Variants in AGAP1 observed in about 807,000 individuals in gnomAD.
AGAP1 encodes the protein ArfGAP with GTPase domain, ankyrin repeat and PH domain 1.
AGAP1 carries 29 observed loss-of-function variants against 105.3 expected under a neutral mutation model. The ratio of observed to expected loss-of-function variants is 0.28; its 90% confidence interval spans 0.21 to 0.38. The LOEUF is 0.38. Among genes scored for constraint, AGAP1 ranks in the 10% least tolerant of loss-of-function variants. The probability of loss-of-function intolerance (pLI) is 1.00; values close to 1 mark genes in which losing one functional copy is unlikely to be tolerated. For synonymous variants in AGAP1, 509 were observed against 485.9 expected (o/e 1.05, Z -0.63); for missense variants, 998 against 1,165.1 (o/e 0.86, Z 2.09).
rs181363656 is a variant in AGAP1, at chr2:236,046,446, G to A, written c.1892-2613G>A. Among the ~76,000 whole-genome samples the A allele has an allele frequency of 6.6e-5, 10 of 152,272 alleles. No homozygotes were observed. Among genetic ancestry groups the A allele is most frequent in the South Asian group, 2.1e-4 (1 of 4,814 alleles). ...GGGAGCATAAGTTCGAGAAGAAAGC[G>A]TTGGACTTATGAGAGGTTGAGAACC... On this transcript the variant is annotated intron_variant, in intron 15 of 17. Transcript: ENST00000304032. The surrounding 1 kb of genome is among the most constrained non-coding windows in gnomAD (Gnocchi z 5.2).
At position 236,035,925 on chromosome 2, in the gene AGAP1, G is replaced by A. The variant is rs543575150; in HGVS notation, c.1646-636G>A. Among the ~76,000 whole-genome samples the A allele has an allele frequency of 2.0e-5, 3 of 152,114 alleles. No individual in the cohort carries two copies. Among genetic ancestry groups the A allele is most frequent in the South Asian group, 2.1e-4 (1 of 4,804 alleles). On this transcript the variant is annotated intron_variant, in intron 13 of 17. Coordinates refer to ENST00000304032, the MANE Select transcript of AGAP1 (RefSeq NM_001037131.3). This position sits in a 1 kb window ranked among gnomAD's most constrained non-coding sequence, Gnocchi z 4.2. ...AGACTTAGATGTGGCAGGTGGGGTC[G>A]CAGGGTATACCCCCAAGTTCCTCTC...
chr2:235,565,161 G>A (rs1944307279), intron 1 of AGAP1, among the ~76,000 whole-genome samples: 1 of 141,236 alleles, frequency 7.1e-6, no homozygotes. Flanking sequence ...GTGTGAGCCT[G>A]GACCACCACC....
chr2:235,649,576 T>G (rs1947512695), intron 1 of AGAP1, among the ~76,000 whole-genome samples: 1 of 152,152 alleles, frequency 6.6e-6, no homozygotes, highest in Admixed American at 6.5e-5. Context: ...CTTGCTATGT[T>G]GCCCAGGCTG....
Position 235,961,208 on chromosome 2 carries a change from A to C in AGAP1, c.1484-7254A>C, listed in dbSNP as rs2054171373. ...CCATGTGGAGAGAGCCACGGAGCAC[A>C]GGGGGCCGGGAGGGGCTGGATGCGC... On this transcript the variant is annotated intron_variant, in intron 12 of 17. Coordinates refer to ENST00000304032, the MANE Select transcript of AGAP1 (RefSeq NM_001037131.3). This position sits in a 1 kb window ranked among gnomAD's most constrained non-coding sequence, Gnocchi z 5.9. 6.6e-6 allele frequency among the ~76,000 whole-genome samples: 1 copy of C among 152,208 alleles called. No homozygotes were observed. Among genetic ancestry groups the C allele is most frequent in the South Asian group, 2.1e-4 (1 of 4,834 alleles).
chr2:235,758,645 T>A (rs1249820513), intron 6 of AGAP1, among the ~76,000 whole-genome samples: 1 of 152,194 alleles, frequency 6.6e-6, no homozygotes, highest in Non-Finnish European at 1.5e-5. Flanking sequence ...GGGGTTCATA[T>A]TTGAACATTT....
Position 235,633,976 on chromosome 2 carries a change from GC to G in AGAP1, c.164-75199del, listed in dbSNP as rs756820810. On this transcript the variant is annotated intron_variant, in intron 1 of 17. Transcript: ENST00000304032. This position sits in a 1 kb window ranked among gnomAD's most constrained non-coding sequence, Gnocchi z 4.8. ...TTACTTTGGGGTATCAGTTTTCCGA[GC>G]CCCAGCAAGCCCCTCCCTGCAAAGT... 1.2e-4 allele frequency among the ~76,000 whole-genome samples: 19 copies of G among 152,156 alleles called. No individual in the cohort carries two copies. In the East Asian group the frequency reaches 3.5e-3, roughly 28 times the overall value.
rs1258703530 is a variant in AGAP1 at position 235,927,815 on chromosome 2, C to T, written c.1325-2950C>T. ...AAGAGAAGCGGTGCTCTATTGAGTG[C>T]CATGTTGTCATCGTTGTCCCAAAGA... On this transcript the variant is annotated intron_variant, in intron 11 of 17. Coordinates refer to ENST00000304032, the MANE Select transcript of AGAP1 (RefSeq NM_001037131.3). This position sits in a 1 kb window ranked among gnomAD's most constrained non-coding sequence, Gnocchi z 4.4. Among the ~76,000 whole-genome samples the T allele has an allele frequency of 1.3e-5, 2 of 152,192 alleles. No homozygotes were observed. Among genetic ancestry groups the T allele is most frequent in the Non-Finnish European group, 1.5e-5 (1 of 68,040 alleles).
Position 236,120,283 on chromosome 2 carries a change from C to T in AGAP1, c.2206C>T (p.Leu736=), listed in dbSNP as rs761078694. Residue 736 remains leucine, a synonymous_variant, in exon 17 of 18, where the codon CTG becomes TTG. Transcript: ENST00000304032. This position sits in a 1 kb window ranked among gnomAD's most constrained non-coding sequence, Gnocchi z 6.0. ...CACGGAGCTGTCCCTGGGCCAGCAC[C>T]TGCTGCGGGCCACCGCCGACGAGGA... ...PCTELSLGQH[L]LRATADEDLR... 6 of 1,612,916 alleles carry T rather than the reference C, an allele frequency of 3.7e-6. No homozygotes were observed. The Admixed American group carries it at 8.3e-5, about 22-fold the overall frequency.
intron 1 of AGAP1, among the ~76,000 whole-genome samples, chr2:235,598,781 A>G (rs1945629821): frequency 6.6e-6 from 1 of 152,170 alleles, no homozygotes; most frequent in African/African-American, 2.4e-5. Context: ...GCACAGTGGG[A>G]CGTCTTAGTC....
chr2:235,833,957 T>TAA (rs60112448), intron 9 of AGAP1, among the ~76,000 whole-genome samples: 123 of 137,826 alleles, frequency 8.9e-4, no homozygotes, highest in African/African-American at 2.9e-3. Context: ...ATTTTTTTTG[T>TAA]AAAAAAAAAA....
At chr2:235,836,663 CATTTAAAGT>C (rs1461412184) in intron 9 of AGAP1, among the ~76,000 whole-genome samples, 7 of 152,126 alleles carry the variant, frequency 4.6e-5, no homozygotes, top group Non-Finnish European at 1.0e-4. Flanking sequence ...AGGGGGCAGG[CATTTAAAGT>C]TAACCAGTTT....
intron 1 of AGAP1, among the ~76,000 whole-genome samples, chr2:235,704,514 C>T (rs958961284): frequency 3.3e-5 from 5 of 152,150 alleles, no homozygotes; most frequent in Non-Finnish European, 4.4e-5. Flanking sequence ...GATGTGGTGG[C>T]GGGCGCCTGT....
At chr2:235,902,745 A>G (rs1403487349) in intron 10 of AGAP1, among the ~76,000 whole-genome samples, 4 of 152,214 alleles carry the variant, frequency 2.6e-5, no homozygotes, top group Non-Finnish European at 2.9e-5. Flanking sequence ...TGCAACTCCA[A>G]CAGCTGCAGA....
At position 235,964,815 on chromosome 2, in the gene AGAP1, G is replaced by A. The variant is rs2054323826; in HGVS notation, c.1484-3647G>A. Among the ~76,000 whole-genome samples the A allele has an allele frequency of 6.6e-6, 1 of 152,160 alleles. No homozygotes were observed. The highest frequency in any genetic ancestry group is 1.5e-5 in the Non-Finnish European group (1 of 68,040). ...AAAGGTGAAAGTCTGGGAGGAGAAG[G>A]ACCTCGTGGAGCTGGCCGCACAGTC... On this transcript the variant is annotated intron_variant, in intron 12 of 17. Coordinates refer to ENST00000304032, the MANE Select transcript of AGAP1 (RefSeq NM_001037131.3). The surrounding 1 kb of genome is among the most constrained non-coding windows in gnomAD (Gnocchi z 4.6).
chr2:235,764,152 C>T (rs989089797), intron 6 of AGAP1, among the ~76,000 whole-genome samples: 4 of 152,208 alleles, frequency 2.6e-5, no homozygotes, highest in African/African-American at 4.8e-5. Context: ...GGTTGGTAGG[C>T]GCTTTTATCG....
At chr2:235,580,080 C>T (rs1353515541) in intron 1 of AGAP1, among the ~76,000 whole-genome samples, 1 of 152,108 alleles carries the variant, frequency 6.6e-6, no homozygotes, top group Non-Finnish European at 1.5e-5. Context: ...TGCATTGGTG[C>T]CTCATTTCTT....
rs928928329 is a variant in AGAP1, at chr2:235,994,096, A to G, written c.1645+25473A>G. ...TTGGCTGTGTGTCCCCCAGCTTCTAATTCCTCTAGAATATCATGCCCAGGT... is the reference window on the plus strand; with the variant it reads ...TTGGCTGTGTGTCCCCCAGCTTCTAGTTCCTCTAGAATATCATGCCCAGGT... On this transcript the variant is annotated intron_variant, in intron 13 of 17. Transcript: ENST00000304032. This position sits in a 1 kb window ranked among gnomAD's most constrained non-coding sequence, Gnocchi z 4.4. Among the ~76,000 whole-genome samples, 2 of 152,004 alleles carry G rather than the reference A, an allele frequency of 1.3e-5. No homozygotes were observed. Among genetic ancestry groups the G allele is most frequent in the South Asian group, 4.2e-4 (2 of 4,804 alleles).
intron 1 of AGAP1, among the ~76,000 whole-genome samples, chr2:235,604,921 C>T (rs188718508): frequency 1.3e-5 from 2 of 151,672 alleles, no homozygotes; most frequent in African/African-American, 4.8e-5. Flanking sequence ...CTCTCTGTCC[C>T]CCGGGCTGGA....
chr2:236,110,873 G>A (rs758778992), intron 16 of AGAP1, among the ~76,000 whole-genome samples: 14 of 152,132 alleles, frequency 9.2e-5, no homozygotes, highest in African/African-American at 2.9e-4. Flanking sequence ...TCTTGCTCAC[G>A]GTTCTGGAGG....
Sources: gnomAD v4.1 joint callset for allele counts (sites outside exome capture counted in the v4.1 genomes callset) on GRCh38, gnomAD v4.1.1 for gene constraint, Gnocchi (gnomAD v3.1) non-coding constraint, MANE v1.5 for transcripts, NCBI Gene and HGNC (gene_info 2026-07-23, HGNC 2026-07-21) for gene names.